The following GALNTL6 variants were observed in gnomAD, a reference collection of about 807,000 sequenced individuals.
GALNTL6 encodes the protein polypeptide N-acetylgalactosaminyltransferase like 6.
In GALNTL6, 46 loss-of-function variants were observed where a neutral mutation model predicts 73.7. The ratio of observed to expected loss-of-function variants is 0.62; its 90% CI spans 0.49 to 0.80. The LOEUF is 0.80. Among genes scored for constraint, GALNTL6 ranks in the 30% least tolerant of loss-of-function variants. The pLI is 0.00. For synonymous variants in GALNTL6, 259 were observed against 263.7 expected (o/e 0.98, Z 0.17); for missense variants, 604 against 755.0 (o/e 0.80, Z 2.34).
Position 172,523,203 on chromosome 4 carries a change from A to C in GALNTL6, c.553+174514A>C, listed in dbSNP as rs1734841504. Among the ~76,000 whole-genome samples the C allele has an allele frequency of 1.3e-5, 2 of 152,190 alleles. 1 individual carries two copies. Among genetic ancestry groups the C allele is most frequent in the South Asian group, 4.1e-4 (2 of 4,830 alleles). On this transcript the variant is annotated intron_variant, in intron 5 of 12. Transcript: ENST00000506823. ...TAATGTTCGACAATATGAATATATC[A>C]CAATGCATTTATGCATTCTACTGTT...
intron 5 of GALNTL6, chr4:172,668,450 T>C (rs1343096927): frequency 6.6e-6 from 1 of 152,042 alleles, no homozygotes; most frequent in East Asian, 1.9e-4. Flanking sequence ...AAGAGGAAGA[T>C]CAAACAGCCG....
At chr4:172,216,980 G>A (rs934369977) in intron 2 of GALNTL6, among the ~76,000 whole-genome samples, 2 of 152,110 alleles carry the variant, frequency 1.3e-5, no homozygotes, top group African/African-American at 4.8e-5. Context: ...GTTGATAATT[G>A]GTTGAGTTTG....
intron 5 of GALNTL6, among the ~76,000 whole-genome samples, chr4:172,355,848 C>A (rs1177299134): frequency 6.6e-6 from 1 of 152,048 alleles, no homozygotes; most frequent in East Asian, 1.9e-4. Context: ...ATATGAAATT[C>A]CATTTTTTGT....
intron 5 of GALNTL6, among the ~76,000 whole-genome samples, chr4:172,583,049 G>C (rs1229473848): frequency 6.6e-6 from 1 of 151,860 alleles, no homozygotes; most frequent in Non-Finnish European, 1.5e-5. Flanking sequence ...CTTCTTCACT[G>C]GGAAAAACAT....
chr4:172,325,121 A>G (rs1398723332), intron 4 of GALNTL6, among the ~76,000 whole-genome samples: 1 of 151,892 alleles, frequency 6.6e-6, no homozygotes, highest in African/African-American at 2.4e-5. Context: ...AAAAAAAAAG[A>G]GAACAACACA....
At chr4:172,588,832 C>T (rs1258584688) in intron 5 of GALNTL6, among the ~76,000 whole-genome samples, 2 of 152,136 alleles carry the variant, frequency 1.3e-5, no homozygotes, top group African/African-American at 4.8e-5. Context: ...AACAGATCCG[C>T]AGCTCTGGAA....
chr4:172,471,168 C>G (rs907018415), intron 5 of GALNTL6, among the ~76,000 whole-genome samples: 1 of 152,134 alleles, frequency 6.6e-6, no homozygotes, highest in Non-Finnish European at 1.5e-5. Context: ...AGAGTGAACC[C>G]ATGGGGCAGC....
At chr4:172,159,683 A>G (rs1335205634) in intron 2 of GALNTL6, among the ~76,000 whole-genome samples, 2 of 152,206 alleles carry the variant, frequency 1.3e-5, no homozygotes, top group Non-Finnish European at 2.9e-5. Context: ...AGTGAGGTCA[A>G]AATCACTCCA....
chr4:172,426,066 A>G (rs966650052), intron 5 of GALNTL6, among the ~76,000 whole-genome samples: 1 of 152,048 alleles, frequency 6.6e-6, no homozygotes, highest in Non-Finnish European at 1.5e-5. Context: ...ACATGGTGGC[A>G]TGTGTTTTCA....
At chr4:172,195,936 A>G (rs1028411250) in intron 2 of GALNTL6, among the ~76,000 whole-genome samples, 6 of 151,932 alleles carry the variant, frequency 3.9e-5, no homozygotes, top group African/African-American at 1.4e-4. Context: ...AATAACTAAG[A>G]TCAGAGCAGA....
At chr4:171,816,321 A>T (rs1483341568) in intron 2 of GALNTL6, 1 of 151,966 alleles carries the variant, frequency 6.6e-6, no homozygotes, top group East Asian at 1.9e-4. Flanking sequence ...TTGACTCTAT[A>T]ATTTTGACCC....
chr4:172,676,688 TCAAA>T lies in GALNTL6; in HGVS notation c.554-132670_554-132667del, dbSNP rs527741321. 1.7e-3 allele frequency among the ~76,000 whole-genome samples: 263 copies of T among 152,330 alleles called. 1 individual carries two copies. Among genetic ancestry groups the T allele is most frequent in the Admixed American group, 0.015 (233 of 15,298 alleles). On this transcript the variant is annotated intron_variant, in intron 5 of 12. Transcript: ENST00000506823. ...TAAAACTGATGGGCATTCCTCAGACTCAAACAGACAGGTTGCGGTGGCTGCCTAC... is the reference window on the plus strand; with the variant it reads ...TAAAACTGATGGGCATTCCTCAGACTCAGACAGGTTGCGGTGGCTGCCTAC...
chr4:172,234,933 T>C (rs1287143758), intron 3 of GALNTL6, among the ~76,000 whole-genome samples: 1 of 152,166 alleles, frequency 6.6e-6, no homozygotes, highest in Non-Finnish European at 1.5e-5. Flanking sequence ...GAACTTTTCT[T>C]GGAGCATAGA....
chr4:172,843,272 G>T (rs1047655075), intron 7 of GALNTL6, among the ~76,000 whole-genome samples: 4 of 152,146 alleles, frequency 2.6e-5, no homozygotes, highest in Non-Finnish European at 5.9e-5. Context: ...CCTCCCACTC[G>T]CTTTACTTCT....
intron 3 of GALNTL6, among the ~76,000 whole-genome samples, chr4:172,293,396 T>C (rs1207229372): frequency 1.3e-5 from 2 of 152,206 alleles, no homozygotes; most frequent in African/African-American, 2.4e-5. Flanking sequence ...GCAATTGTTA[T>C]AGAAACTTTT....
intron 2 of GALNTL6, among the ~76,000 whole-genome samples, chr4:172,020,360 A>C (rs1741356157): frequency 6.7e-6 from 1 of 149,342 alleles, no homozygotes; most frequent in Non-Finnish European, 1.5e-5. Context: ...AAAAGATCAA[A>C]GAAACAAAAG....
At chr4:172,155,240 C>T (rs1329455193) in intron 2 of GALNTL6, among the ~76,000 whole-genome samples, 1 of 152,134 alleles carries the variant, frequency 6.6e-6, no homozygotes, top group African/African-American at 2.4e-5. Context: ...TCAAGTGATC[C>T]ACCCGCCTCA....
chr4:171,857,965 C>A (rs924451935), intron 2 of GALNTL6, among the ~76,000 whole-genome samples: 1 of 152,164 alleles, frequency 6.6e-6, no homozygotes, highest in Non-Finnish European at 1.5e-5. Flanking sequence ...CAATAATAAT[C>A]ACTGAAAGAC....
intron 2 of GALNTL6, among the ~76,000 whole-genome samples, chr4:171,832,292 G>A (rs1734995612): frequency 6.8e-6 from 1 of 147,146 alleles, no homozygotes; most frequent in South Asian, 2.3e-4. Context: ...TATGTTTTCA[G>A]TCTTTTAATT....
Sources: gnomAD v4.1 joint callset for allele counts (sites outside exome capture counted in the v4.1 genomes callset) on GRCh38, gnomAD v4.1.1 for gene constraint, MANE v1.5 for transcripts, NCBI Gene and HGNC (gene_info 2026-07-23, HGNC 2026-07-21) for gene names.